The following MARK3 variants were observed in gnomAD, a reference collection of about 807,000 sequenced individuals.
The protein encoded by MARK3 is microtubule affinity regulating kinase 3.
MARK3 carries 46 observed loss-of-function variants against 90.1 expected under a neutral mutation model. The ratio of observed to expected loss-of-function variants is 0.51; its 90% confidence interval spans 0.40 to 0.65. The LOEUF (loss-of-function observed/expected upper bound fraction) is 0.65, where lower values mean the gene tolerates loss of function less well. MARK3 is among the 30% of genes least tolerant of loss of function. The probability of loss-of-function intolerance (pLI) is 0.00; values close to 1 mark genes in which losing one functional copy is unlikely to be tolerated. For synonymous variants in MARK3, 321 were observed against 332.6 expected, an observed-to-expected ratio of 0.97 and a Z score of 0.38; for missense variants, 818 against 947.2, an observed-to-expected ratio of 0.86 and a Z score of 1.79.
At chr14:103,491,288 T>C (rs566467221) in intron 14 of MARK3, 26 of 263,460 alleles carry the variant, frequency 9.9e-5, no homozygotes, top group Non-Finnish European at 1.7e-4. Context: ...TGTGTCTTCG[T>C]GCCTTCGCGT....
At position 103,413,040 on chromosome 14, in the gene MARK3, A is replaced by G. The variant is rs561369952; in HGVS notation, c.243+7773A>G. On this transcript the variant is annotated intron_variant, in intron 2 of 17. Transcript: ENST00000429436. ...CAGGCATGCACCACCATGCCCGGCT[A>G]ATTTTTGTATTTTTAGTAGAGACGG... Among the ~76,000 whole-genome samples, 13 of 151,664 alleles carry G rather than the reference A, an allele frequency of 8.6e-5. No individual in the cohort carries two copies. In the South Asian group the frequency reaches 2.5e-3, roughly 29 times the overall value.
chr14:103,476,732 G>A (rs1038046466), intron 13 of MARK3, among the ~76,000 whole-genome samples: 3 of 152,174 alleles, frequency 2.0e-5, no homozygotes, highest in African/African-American at 7.2e-5. Flanking sequence ...AAACCCTGTT[G>A]CTCTCTGAAA....
intron 15 of MARK3, among the ~76,000 whole-genome samples, chr14:103,495,491 A>AT (rs1355209250): frequency 6.6e-6 from 1 of 151,830 alleles, no homozygotes; most frequent in African/African-American, 2.4e-5. Context: ...AAAAAAAAAA[A>AT]AGTATCAGGC....
chr14:103,442,887 G>C (rs2141225743), intron 3 of MARK3, among the ~76,000 whole-genome samples: 1 of 148,004 alleles, frequency 6.8e-6, no homozygotes, highest in South Asian at 2.1e-4. Context: ...GCTAAAGGCA[G>C]AAAATAATGA....
chr14:103,479,374 G>T (rs1485197123), intron 13 of MARK3, among the ~76,000 whole-genome samples: 1 of 152,138 alleles, frequency 6.6e-6, no homozygotes, highest in Non-Finnish European at 1.5e-5. Flanking sequence ...GAATAAAATT[G>T]TTGAGTAATA....
At chr14:103,486,753 A>G (rs1053434083) in intron 14 of MARK3, among the ~76,000 whole-genome samples, 22 of 152,076 alleles carry the variant, frequency 1.4e-4, no homozygotes, top group Admixed American at 1.4e-3. Flanking sequence ...CATCTTACTG[A>G]GTTTACTGTT....
intron 14 of MARK3, among the ~76,000 whole-genome samples, chr14:103,484,429 T>TC (rs574735658): frequency 0.01 from 1,542 of 152,288 alleles, 12 homozygotes; most frequent in Non-Finnish European, 0.018. Flanking sequence ...TGCCTTGGCC[T>TC]CCCAAAGTGC....
rs576748630 is a variant in MARK3, at chr14:103,386,624, A to G, written c.51+544A>G. ...CTTTGCGGTCCCCTTAGGAATTCCAAAACACTAGCGCGCAGCCTTTATTAA... is the reference window on the plus strand; with the variant it reads ...CTTTGCGGTCCCCTTAGGAATTCCAGAACACTAGCGCGCAGCCTTTATTAA... On this transcript the variant is annotated intron_variant, in intron 1 of 17. Transcript: ENST00000429436. Among the ~76,000 whole-genome samples the G allele has an allele frequency of 3.9e-5, 6 of 152,342 alleles. No individual in the cohort carries two copies. In the South Asian group the frequency reaches 1.2e-3, roughly 32 times the overall value.
At chr14:103,432,936 CAG>C (rs1301312317) in intron 3 of MARK3, among the ~76,000 whole-genome samples, 1 of 152,002 alleles carries the variant, frequency 6.6e-6, no homozygotes, top group Non-Finnish European at 1.5e-5. Flanking sequence ...GACAGGGAAA[CAG>C]AACAATAGAC....
chr14:103,468,065 T>C lies in MARK3; in HGVS notation c.1143T>C (p.Asn381=). ...LDASDSSSSS[N]LSLAKVRPSS... ...CTAGTGATTCCAGTTCTAGCAGCAA[T>C]CTTTCACTTGCTAAGGTTAGGCCGA... Residue 381 remains asparagine, a synonymous_variant, in exon 12 of 18, where the codon AAT becomes AAC. Coordinates refer to ENST00000429436, the MANE Select transcript of MARK3 (RefSeq NM_001128918.3). 1 of 1,614,004 alleles carries C rather than the reference T, an allele frequency of 6.2e-7. No homozygotes were observed. The highest frequency in any genetic ancestry group is 8.5e-7 in the Non-Finnish European group (1 of 1,179,970).
At chr14:103,417,012 A>T (rs975892) in intron 2 of MARK3, among the ~76,000 whole-genome samples, 52,037 of 151,874 alleles carry the variant, frequency 0.34, 9,392 homozygotes, top group East Asian at 0.5. Flanking sequence ...AGAGAAATGT[A>T]ATAGAATTGC....
chr14:103,403,343 TG>T (rs2091083279), intron 1 of MARK3, among the ~76,000 whole-genome samples: 2 of 148,044 alleles, frequency 1.4e-5, no homozygotes, highest in African/African-American at 5.2e-5. Flanking sequence ...TGTGTGTGTG[TG>T]TGTGTGTGTG....
chr14:103,465,755 G>A lies in MARK3; in HGVS notation c.739G>A (p.Val247Ile). Residue 247 changes from valine to isoleucine, a missense_variant, in exon 8 of 18, where the codon GTC becomes ATC. Physicochemically the swap from Val to Ile is conservative, Grantham distance 29 (BLOSUM62 3). Around this residue, in one of 3 missense-constraint regions of MARK3, gnomAD observed 101 missense variants for 175.1 expected, o/e 0.58. Transcript: ENST00000429436. ...TCTGGGGGTCATTTTATACACACTA[G>A]TCAGTGGCTCACTTCCCTTTGATGG... ...WSLGVILYTL[V>I]SGSLPFDGQN... 1 of 1,614,066 alleles carries A rather than the reference G, an allele frequency of 6.2e-7. No individual in the cohort carries two copies. The highest frequency in any genetic ancestry group is 8.5e-7 in the Non-Finnish European group (1 of 1,180,010).
At position 103,500,184 on chromosome 14, in the gene MARK3, A is replaced by G; in HGVS notation, c.1900A>G (p.Arg634Gly). The G allele has an allele frequency of 6.2e-7, 1 of 1,611,858 alleles. No individual in the cohort carries two copies. The highest frequency in any genetic ancestry group is 1.1e-5 in the South Asian group (1 of 90,642). Residue 634 changes from arginine (R) to glycine (G), a missense_variant, in exon 17 of 18, where the codon AGA (arginine) becomes GGA (glycine). Physicochemically the swap from Arg to Gly is moderately radical, Grantham distance 125 (BLOSUM62 -2). This residue lies in a region of MARK3 where 560 missense variants were observed against 613.5 expected (regional missense o/e 0.91). Transcript: ENST00000429436. Reference protein sequence around the residue: ...RLPTEYERNGRYEGSSRNVSA... With the variant: ...RLPTEYERNGGYEGSSRNVSA... ...TCCAACTGAATATGAGAGGAACGGG[A>G]GATATGAGGGCTCAAGGTGAGGGAA...
intron 14 of MARK3, among the ~76,000 whole-genome samples, chr14:103,482,487 G>T (rs1171908828): frequency 2.6e-5 from 4 of 151,504 alleles, no homozygotes; most frequent in African/African-American, 9.7e-5. Context: ...CGCCACTGCA[G>T]TCCAGCCTGG....
chr14:103,471,929 G>A (rs1202355370), intron 12 of MARK3, among the ~76,000 whole-genome samples: 1 of 152,160 alleles, frequency 6.6e-6, no homozygotes, highest in Non-Finnish European at 1.5e-5. Flanking sequence ...ACAAATATAG[G>A]GCTGGGCGCA....
intron 1 of MARK3, among the ~76,000 whole-genome samples, chr14:103,404,610 G>A (rs1031718623): frequency 6.6e-6 from 1 of 152,142 alleles, no homozygotes; most frequent in African/African-American, 2.4e-5. Context: ...ATTACTGTTA[G>A]CAGTGTAGTA....
intron 3 of MARK3, among the ~76,000 whole-genome samples, chr14:103,437,171 C>T (rs534989095): frequency 1.3e-5 from 2 of 151,888 alleles, no homozygotes; most frequent in East Asian, 1.9e-4. Context: ...ATAGAAAAAC[C>T]GGCTTTCAGT....
chr14:103,443,633 C>T (rs2092917687), intron 3 of MARK3, among the ~76,000 whole-genome samples: 2 of 152,086 alleles, frequency 1.3e-5, no homozygotes, highest in Non-Finnish European at 1.5e-5. Context: ...AGACTTAGAG[C>T]GTTTGAGGAA....
Sources: gnomAD v4.1 joint callset for allele counts (sites outside exome capture counted in the v4.1 genomes callset) on GRCh38, gnomAD v4.1.1 for gene constraint, gnomAD v4.1.1 regional missense constraint, MANE v1.5 for transcripts, NCBI Gene and HGNC (gene_info 2026-07-23, HGNC 2026-07-21) for gene names.